LIN7A: variants seen among roughly 807,000 people sequenced by gnomAD.
LIN7A encodes the protein lin-7 cell polarity scaffold A, also known as protein lin-7 homolog A.
LIN7A carries 25 observed loss-of-function variants against 29.8 expected under a neutral mutation model. That is an observed-to-expected ratio of 0.84 (90% CI 0.61 to 1.17). The LOEUF is 1.17. Among genes scored for constraint, LIN7A ranks in the 50% most tolerant of loss-of-function variants. The pLI is 0.00. For synonymous variants in LIN7A, 118 were observed against 107.5 expected (o/e 1.10, Z -0.60); for missense variants, 239 against 287.0 (o/e 0.83, Z 1.21).
intron 1 of LIN7A, among the ~76,000 whole-genome samples, chr12:80,904,040 C>G (rs1463155538): frequency 6.6e-6 from 1 of 151,910 alleles, no homozygotes; most frequent in East Asian, 1.9e-4. Context: ...AAACTTTTTT[C>G]TATGTGGGCA....
In LIN7A at chr12:80,796,579, C is replaced by T. The variant is rs1202254891; in HGVS notation, c.*1148G>A. On this transcript the variant is annotated 3_prime_UTR_variant, in exon 6 of 6. Transcript: ENST00000552864. The stretch of plus-strand genomic sequence containing the variant: ...CATCTGCCATTCACAATATTGATAT[C>T]ACTGGTTTCCACCTGCCCAATTATA... 6.6e-6 allele frequency: 1 copy of T among 151,968 alleles called. No individual in the cohort carries two copies. Among genetic ancestry groups the T allele is most frequent in the Admixed American group, 6.6e-5 (1 of 15,238 alleles). The allele number at this position is 151,968 out of a possible 1,614,324, so 9.4% of individuals were successfully genotyped here.
chr12:80,818,682 T>C (rs1871651675), intron 4 of LIN7A, among the ~76,000 whole-genome samples: 1 of 152,220 alleles, frequency 6.6e-6, no homozygotes, highest in African/African-American at 2.4e-5. Context: ...ACCTAGGCTC[T>C]TCCCAGCCTT....
chr12:80,808,072 C>T (rs938764939), intron 5 of LIN7A, among the ~76,000 whole-genome samples: 10 of 152,196 alleles, frequency 6.6e-5, no homozygotes, highest in African/African-American at 2.4e-4. Context: ...ACCCCATAGC[C>T]ACCACCACTG....
In LIN7A at chr12:80,808,236, T is replaced by C. The variant is rs138455503; in HGVS notation, c.*3229A>G. ...GTCTCATCTGCAATGTTACCTCCTT[T>C]GAGAGATCTTCCCTGATCACACAGT... On this transcript the variant is annotated intron_variant, in intron 5 of 5. Coordinates refer to ENST00000552864, the MANE Select transcript of LIN7A (RefSeq NM_004664.4). 6.8e-3 allele frequency among the ~76,000 whole-genome samples: 1,039 copies of C among 152,332 alleles called. 11 individuals are homozygous for C. Among genetic ancestry groups the C allele is most frequent in the African/African-American group, 0.023 (962 of 41,568 alleles).
chr12:80,820,657 A>C (rs1172067219), intron 4 of LIN7A, among the ~76,000 whole-genome samples: 3 of 151,886 alleles, frequency 2.0e-5, no homozygotes, highest in East Asian at 3.9e-4. Context: ...ACACACACAC[A>C]CCCATCTTCA....
At chr12:80,881,215 T>A (rs1325997389) in intron 2 of LIN7A, among the ~76,000 whole-genome samples, 1 of 152,182 alleles carries the variant, frequency 6.6e-6, no homozygotes, top group Non-Finnish European at 1.5e-5. Context: ...TAAGCTTTCT[T>A]GACTTCATCC....
At chr12:80,883,155 C>T (rs911343002) in intron 2 of LIN7A, among the ~76,000 whole-genome samples, 3 of 151,814 alleles carry the variant, frequency 2.0e-5, no homozygotes, top group Non-Finnish European at 4.4e-5. Flanking sequence ...ATCCTTCACT[C>T]GCTCCCATTC....
At chr12:80,868,432 A>G (rs908306865) in intron 2 of LIN7A, among the ~76,000 whole-genome samples, 2 of 152,230 alleles carry the variant, frequency 1.3e-5, no homozygotes, top group Non-Finnish European at 2.9e-5. Context: ...GCTAGGTGTG[A>G]TGGCGCATGC....
At chr12:80,816,571 T>A (rs551478904) in intron 4 of LIN7A, among the ~76,000 whole-genome samples, 4 of 152,196 alleles carry the variant, frequency 2.6e-5, no homozygotes, top group African/African-American at 9.6e-5. Flanking sequence ...CCATACAAAC[T>A]GGATCTCCTA....
rs777017708 is a variant in LIN7A, at chr12:80,793,975, T to C, written c.*3752A>G. The C allele has an allele frequency of 6.6e-6, 1 of 152,168 alleles. No homozygotes were observed. The highest frequency in any genetic ancestry group is 2.1e-4 in the South Asian group (1 of 4,832). The allele number at this position is 152,168 out of a possible 1,614,324, so 9.4% of individuals were successfully genotyped here. A position where few individuals can be genotyped will look rare whatever the true frequency, so the allele number is the denominator to read the frequency against. On this transcript the variant is annotated 3_prime_UTR_variant, in exon 6 of 6. Transcript: ENST00000552864. ...AAAAACTCTGTATCCCCAAACATTG[T>C]TCCTTATCCACTGTTCAAATGTCCT...
chr12:80,931,552 C>G (rs377374789), intron 1 of LIN7A, among the ~76,000 whole-genome samples: 65 of 151,510 alleles, frequency 4.3e-4, no homozygotes, highest in Non-Finnish European at 5.9e-5. Context: ...GCCAGAGAAT[C>G]GCTTAAACCC....
At chr12:80,882,527 G>A (rs1042494135) in intron 2 of LIN7A, among the ~76,000 whole-genome samples, 1 of 150,966 alleles carries the variant, frequency 6.6e-6, no homozygotes, top group Non-Finnish European at 1.5e-5. Context: ...CTCGTGATCC[G>A]CCCGCCTCGG....
chr12:80,822,776 C>T (rs1871873482), intron 4 of LIN7A, among the ~76,000 whole-genome samples: 1 of 152,066 alleles, frequency 6.6e-6, no homozygotes. Flanking sequence ...CACAAAGAGC[C>T]AGGGTGCCAT....
At chr12:80,847,419 A>C (rs1184972331) in intron 3 of LIN7A, among the ~76,000 whole-genome samples, 1 of 150,992 alleles carries the variant, frequency 6.6e-6, no homozygotes, top group African/African-American at 2.4e-5. Context: ...GTTCAGTTAC[A>C]GAGTAAAAAC....
At chr12:80,909,179 T>A (rs1270453119) in intron 1 of LIN7A, among the ~76,000 whole-genome samples, 1 of 152,136 alleles carries the variant, frequency 6.6e-6, no homozygotes, top group Non-Finnish European at 1.5e-5. Context: ...ATTTTTTGCA[T>A]TTGGTTACCC....
intron 2 of LIN7A, among the ~76,000 whole-genome samples, chr12:80,850,880 G>A (rs1280966323): frequency 6.6e-6 from 1 of 152,052 alleles, no homozygotes; most frequent in Non-Finnish European, 1.5e-5. Context: ...ATCACCATGG[G>A]CCAAATGTAA....
chr12:80,896,104 G>A (rs146211683), intron 1 of LIN7A, among the ~76,000 whole-genome samples: 161 of 152,254 alleles, frequency 1.1e-3, no homozygotes, highest in African/African-American at 3.7e-3. Context: ...GATTAAGATC[G>A]TCATGGAAGC....
intron 1 of LIN7A, among the ~76,000 whole-genome samples, chr12:80,902,986 T>C (rs1268041695): frequency 6.6e-6 from 1 of 151,538 alleles, no homozygotes; most frequent in African/African-American, 2.4e-5. Context: ...ATGATGTTGT[T>C]TGTGGGTTTG....
intron 1 of LIN7A, among the ~76,000 whole-genome samples, chr12:80,908,839 G>A (rs2120785747): frequency 6.6e-6 from 1 of 151,080 alleles, no homozygotes; most frequent in Non-Finnish European, 1.5e-5. Context: ...TTAAAAGTTG[G>A]TTATTTTCTT....
Sources: gnomAD v4.1 joint callset for allele counts (sites outside exome capture counted in the v4.1 genomes callset) on GRCh38, gnomAD v4.1.1 for gene constraint, MANE v1.5 for transcripts, NCBI Gene and HGNC (gene_info 2026-07-23, HGNC 2026-07-21) for gene names.